The following RNF24 variants were observed in gnomAD, a reference collection of about 807,000 sequenced individuals.
The protein encoded by RNF24 is ring finger protein 24.
In RNF24, 14 loss-of-function variants were observed where a neutral mutation model predicts 20.0. That is an observed-to-expected ratio of 0.70 (90% confidence interval 0.46 to 1.10). The LOEUF is 1.10. RNF24 is among the 50% of genes least tolerant of loss of function. The pLI is 0.00. For missense variants in RNF24, 124 were observed against 177.6 expected, an observed-to-expected ratio of 0.70 and a Z score of 1.71; for synonymous variants, 45 against 61.1, an observed-to-expected ratio of 0.74 and a Z score of 1.23.
rs1398100470 is a variant in RNF24, at chr20:3,930,633, TGGATGTATCA to T, written c.*3420_*3429del. On this transcript the variant is annotated 3_prime_UTR_variant, in exon 6 of 6. Coordinates refer to ENST00000358395, the MANE Select transcript of RNF24 (RefSeq NM_001134337.3). ...GCCTGGAGCTCTGGGTATACTGCCC[TGGATGTATCA>T]GGATGTATTTCATAATGCCCAAAAA... The T allele has an allele frequency of 6.6e-6, 1 of 152,406 alleles. No individual in the cohort carries two copies. Among genetic ancestry groups the T allele is most frequent in the Non-Finnish European group, 1.5e-5 (1 of 68,096 alleles). 9.4% of individuals were successfully genotyped at this position (152,406 alleles called of 1,614,324 possible).
chr20:3,966,969 C>A (rs1334450902), intron 1 of RNF24, among the ~76,000 whole-genome samples: 3 of 152,122 alleles, frequency 2.0e-5, no homozygotes, highest in Non-Finnish European at 4.4e-5. Context: ...GGGATCCAGG[C>A]TGGTAGAAGA....
At chr20:3,982,766 G>A (rs1242382525) in intron 1 of RNF24, among the ~76,000 whole-genome samples, 1 of 152,018 alleles carries the variant, frequency 6.6e-6, no homozygotes, top group Admixed American at 6.6e-5. Context: ...ACACATGCCT[G>A]TGGTCCCAGC....
At chr20:3,984,797 C>CT (rs796434572) in intron 1 of RNF24, among the ~76,000 whole-genome samples, 38 of 146,160 alleles carry the variant, frequency 2.6e-4, no homozygotes, top group South Asian at 6.5e-4. Flanking sequence ...TTCTTTCAAG[C>CT]TTTTTTTTTT....
intron 1 of RNF24, among the ~76,000 whole-genome samples, chr20:3,970,056 GA>G (rs1448947389): frequency 6.6e-6 from 1 of 152,116 alleles, no homozygotes; most frequent in Non-Finnish European, 1.5e-5. Flanking sequence ...TGTGGACCCT[GA>G]CTTCTACCCC....
intron 2 of RNF24, among the ~76,000 whole-genome samples, chr20:3,960,376 A>T (rs2091188139): frequency 6.6e-6 from 1 of 152,208 alleles, no homozygotes; most frequent in Non-Finnish European, 1.5e-5. Context: ...TCATGATTAA[A>T]TTTTAAAAAT....
At chr20:3,959,912 A>G (rs2091183475) in intron 2 of RNF24, among the ~76,000 whole-genome samples, 1 of 152,240 alleles carries the variant, frequency 6.6e-6, no homozygotes, top group Non-Finnish European at 1.5e-5. Context: ...AAACACAACA[A>G]ATAACCATCA....
At chr20:3,935,646 G>A (rs530832886) in intron 4 of RNF24, among the ~76,000 whole-genome samples, 175 of 152,328 alleles carry the variant, frequency 1.1e-3, no homozygotes, top group African/African-American at 3.7e-3. Flanking sequence ...TCATGAACAT[G>A]TGCAGATGGG....
chr20:3,979,048 C>G (rs1183810359), intron 1 of RNF24, among the ~76,000 whole-genome samples: 2 of 149,476 alleles, frequency 1.3e-5, no homozygotes, highest in Admixed American at 1.3e-4. Context: ...GAGCCAAGAT[C>G]GCGCCACTGC....
At chr20:3,971,627 T>C (rs1163007318) in intron 1 of RNF24, among the ~76,000 whole-genome samples, 1 of 152,200 alleles carries the variant, frequency 6.6e-6, no homozygotes, top group Non-Finnish European at 1.5e-5. Context: ...GTAACATTTC[T>C]AGTCTGAACT....
intron 4 of RNF24, 31 bp downstream of exon 4, chr20:3,945,146 G>A: frequency 6.3e-7 from 1 of 1,593,178 alleles, no homozygotes; most frequent in Non-Finnish European, 8.5e-7. Context: ...CTAGAAAATG[G>A]CTCAAGAGGA....
At chr20:4,002,009 T>C (rs1030590228) in intron 1 of RNF24, among the ~76,000 whole-genome samples, 1 of 151,814 alleles carries the variant, frequency 6.6e-6, no homozygotes, top group Admixed American at 6.6e-5. Flanking sequence ...TCCCACCACT[T>C]TGGGAGGCCG....
At chr20:3,988,307 G>A (rs1056582439) in intron 1 of RNF24, among the ~76,000 whole-genome samples, 20 of 151,970 alleles carry the variant, frequency 1.3e-4, no homozygotes, top group Non-Finnish European at 1.6e-4. Flanking sequence ...CTGGGTGACA[G>A]AGAATGATCT....
At position 4,010,725 on chromosome 20, in the gene RNF24, AACACATAC is replaced by A. The variant is rs1320391625; in HGVS notation, c.-8+4704_-8+4711del. Among the ~76,000 whole-genome samples the A allele has an allele frequency of 4.6e-5, 7 of 152,344 alleles. No individual in the cohort carries two copies. In the East Asian group the frequency reaches 1.3e-3, roughly 29 times the overall value. ...AAAAACTTAATCCCCTCTCTCAATG[AACACATAC>A]ACATCTACAGTGCTTAATCTCAATG... is the stretch of plus-strand genomic sequence containing the variant. On this transcript the variant is annotated intron_variant, in intron 1 of 5. Coordinates refer to ENST00000358395, the MANE Select transcript of RNF24 (RefSeq NM_001134337.3).
intron 4 of RNF24, among the ~76,000 whole-genome samples, chr20:3,944,157 C>T (rs1407552323): frequency 1.4e-5 from 2 of 143,462 alleles, no homozygotes; most frequent in African/African-American, 2.6e-5. Context: ...TTGTAGTGAG[C>T]GGAGATTGCA....
chr20:3,968,577 T>C (rs1454484845), intron 1 of RNF24, among the ~76,000 whole-genome samples: 1 of 152,036 alleles, frequency 6.6e-6, no homozygotes, highest in Non-Finnish European at 1.5e-5. Flanking sequence ...ATGATATCAC[T>C]GCTACGCTCC....
chr20:4,014,086 TTC>T (rs1414653926), intron 1 of RNF24, among the ~76,000 whole-genome samples: 1 of 152,210 alleles, frequency 6.6e-6, no homozygotes, highest in East Asian at 1.9e-4. Context: ...CAGCGCTTCC[TTC>T]TCTCTCTGGA....
Position 3,934,789 on chromosome 20 carries a change from G to A in RNF24, c.308+205C>T, listed in dbSNP as rs1391144547. ...TTGGCTCTCTGCCCATAGTCCTGACGTGGTGGTCACGTTCCACCACTCTGC... is the reference window on the plus strand; with the variant it reads ...TTGGCTCTCTGCCCATAGTCCTGACATGGTGGTCACGTTCCACCACTCTGC... On this transcript the variant is annotated intron_variant, in intron 5 of 5. Coordinates refer to ENST00000358395, the MANE Select transcript of RNF24 (RefSeq NM_001134337.3). The surrounding 1 kb of genome is among the most constrained non-coding windows in gnomAD (Gnocchi z 4.0). 1.3e-5 allele frequency among the ~76,000 whole-genome samples: 2 copies of A among 152,052 alleles called. No homozygotes were observed. Among genetic ancestry groups the A allele is most frequent in the African/African-American group, 2.4e-5 (1 of 41,388 alleles).
chr20:3,927,549 A>G lies in RNF24; in HGVS notation c.*6514T>C, dbSNP rs2090741423. 1 of 152,186 alleles carries G rather than the reference A, an allele frequency of 6.6e-6. No individual in the cohort carries two copies. The highest frequency in any genetic ancestry group is 1.9e-4 in the East Asian group (1 of 5,196). The allele number at this position is 152,186 out of a possible 1,614,324, so 9.4% of individuals were successfully genotyped here. A position where few individuals can be genotyped will look rare whatever the true frequency, so the allele number is the denominator to read the frequency against. On this transcript the variant is annotated 3_prime_UTR_variant, in exon 6 of 6. Coordinates refer to ENST00000358395, the MANE Select transcript of RNF24 (RefSeq NM_001134337.3). The stretch of plus-strand genomic sequence containing the variant: ...AACCTTTTTTTGAGGGAGTTACACA[A>G]TACCTAGTGAGGAAACCCGAGGGCC...
chr20:3,984,963 C>T lies in RNF24; in HGVS notation c.-7-20939G>A, dbSNP rs186550705. Among the ~76,000 whole-genome samples the T allele has an allele frequency of 8.9e-4, 136 of 152,214 alleles. 1 individual carries two copies. The highest frequency in any genetic ancestry group is 3.2e-3 in the African/African-American group (131 of 41,538). ...GCAAAAGTCTATTTTTCTACAGTAACTTCTTTAATGTTTCCTTTTCTGAGG... is the reference window on the plus strand; with the variant it reads ...GCAAAAGTCTATTTTTCTACAGTAATTTCTTTAATGTTTCCTTTTCTGAGG... On this transcript the variant is annotated intron_variant, in intron 1 of 5. Coordinates refer to ENST00000358395, the MANE Select transcript of RNF24 (RefSeq NM_001134337.3).
Sources: allele counts gnomAD v4.1 joint callset (sites outside exome capture counted in the v4.1 genomes callset), GRCh38; gene constraint gnomAD v4.1.1; non-coding constraint Gnocchi (gnomAD v3.1); transcripts MANE v1.5; gene names NCBI Gene and HGNC (gene_info 2026-07-23, HGNC 2026-07-21).